Variants in ZNF91 observed in about 807,000 individuals in gnomAD.
ZNF91 encodes zinc finger protein 91 (HPF7, HTF10).
A neutral mutation model predicts 12.6 loss-of-function variants in ZNF91; 7 were observed. The observed-to-expected ratio is 0.55, with a 90% confidence interval of 0.31 to 1.04. ZNF91 has a LOEUF of 1.04. Ranked by LOEUF, ZNF91 falls within the 50% of genes least tolerant of loss-of-function variation. The pLI, the probability that ZNF91 is intolerant of heterozygous loss-of-function variation, is 0.05. For synonymous variants in ZNF91, 453 were observed against 462.6 expected (o/e 0.98, Z 0.27); for missense variants, 1,217 against 1,385.4 (o/e 0.88, Z 1.93).
intron 1 of ZNF91, chr19:23,380,283 AAAAAAAAAAAAAAAAAAAAG>A (rs1969660575): frequency 2.5e-5 from 2 of 81,396 alleles, no homozygotes; most frequent in African/African-American, 1.3e-4. Flanking sequence ...AAAAAAAAAA[AAAAAAAAAAAAAAAAAAAAG>A]AGTGAAGCTT....
At chr19:23,375,894 T>C (rs1969488193) in intron 1 of ZNF91, among the ~76,000 whole-genome samples, 2 of 152,360 alleles carry the variant, frequency 1.3e-5, no homozygotes, top group South Asian at 2.1e-4. Flanking sequence ...AGTATGCTGA[T>C]GCACCATATT....
At chr19:23,341,428 T>C (rs1451426708) in intron 3 of ZNF91, among the ~76,000 whole-genome samples, 1 of 152,200 alleles carries the variant, frequency 6.6e-6, no homozygotes, top group Non-Finnish European at 1.5e-5. Context: ...AAATGATACG[T>C]ATACTTGCAC....
rs770546038 is a variant in ZNF91 at position 23,360,581 on chromosome 19, A to C, written c.2398T>G (p.Cys800Gly). 1 of 1,613,998 alleles carries C rather than the reference A, an allele frequency of 6.2e-7. No individual in the cohort carries two copies. Among genetic ancestry groups the C allele is most frequent in the Non-Finnish European group, 8.5e-7 (1 of 1,179,974 alleles). The change falls in exon 4 of 4, where the codon TGT (cysteine) becomes GGT (glycine). Residue 800 changes from cysteine (C) to glycine (G), a missense_variant. By Grantham distance (159) the Cys-to-Gly change is radical. Around this residue, in one of 2 missense-constraint regions of ZNF91, gnomAD observed 491 missense variants for 489.8 expected, o/e 1.00. Transcript: ENST00000300619. Reference protein sequence around the residue: ...RIHTGEKPYKCEECGKAFSRS... With the variant: ...RIHTGEKPYKGEECGKAFSRS... ...CTAAAAGCTTTGCCACATTCTTCAC[A>C]TTTGTAGGGCTTCTCTCCAGTGTGT...
intron 1 of ZNF91, among the ~76,000 whole-genome samples, chr19:23,379,789 C>A (rs1222597823): frequency 6.6e-6 from 1 of 152,312 alleles, no homozygotes; most frequent in African/African-American, 2.4e-5. Flanking sequence ...TGGCTCTCTA[C>A]TCCCTGAGGA....
upstream of ZNF91, chr19:23,310,723 T>C (rs1967456972): frequency 6.6e-6 from 1 of 152,062 alleles, no homozygotes; most frequent in African/African-American, 2.4e-5. Context: ...CTCTACTCTT[T>C]CCTTGACAAT....
Position 23,359,981 on chromosome 19 carries a change from C to T in ZNF91, c.2998G>A (p.Gly1000Ser), listed in dbSNP as rs376637810. 1.2e-5 allele frequency: 20 copies of T among 1,613,656 alleles called. No homozygotes were observed. In the African/African-American group the frequency reaches 2.1e-4, roughly 17 times the overall value. The change falls in exon 4 of 4, where the codon GGC becomes AGC. Residue 1000 changes from glycine (G) to serine (S), a missense_variant. By Grantham distance (56) the Gly-to-Ser change is moderately conservative. This residue lies in a region of ZNF91 where 491 missense variants were observed against 489.8 expected (regional missense o/e 1.00). Coordinates refer to ENST00000300619, the MANE Select transcript of ZNF91 (RefSeq NM_003430.4). ...GEKPYKCEECGKAFSQSSTLT... is the reference protein window; with the variant it reads ...GEKPYKCEECSKAFSQSSTLT... ...GTTGAGGATTGGCTAAATGCTTTGC[C>T]ACATTCTTCACATTTGTAGGGTTTC...
chr19:23,319,925 G>A (rs907658909), intron 1 of ZNF91, among the ~76,000 whole-genome samples: 3 of 152,054 alleles, frequency 2.0e-5, no homozygotes, highest in Non-Finnish European at 4.4e-5. Flanking sequence ...TAAGATCCTG[G>A]GTGTCCTCTT....
chr19:23,306,695 G>GGTGAT (rs1172727627), intron 3 of ZNF91: 1 of 152,270 alleles, frequency 6.6e-6, no homozygotes, highest in Non-Finnish European at 1.5e-5. Flanking sequence ...CCACCAGAGA[G>GGTGAT]GTGATGTGAC....
At chr19:23,317,250 G>A (rs918411779) in intron 1 of ZNF91, among the ~76,000 whole-genome samples, 3 of 151,948 alleles carry the variant, frequency 2.0e-5, no homozygotes, top group Non-Finnish European at 1.5e-5. Flanking sequence ...GGGTTTCACC[G>A]TCTTAGCTAG....
chr19:23,323,531 CCTT>C (rs143043040), intron 1 of ZNF91, among the ~76,000 whole-genome samples: 3,998 of 145,704 alleles, frequency 0.027, 146 homozygotes, highest in African/African-American at 0.092. Flanking sequence ...CTCTTCTCCT[CCTT>C]TTCCTTTTTC....
At chr19:23,391,134 T>C (rs1463059556) in intron 1 of ZNF91, among the ~76,000 whole-genome samples, 1 of 152,222 alleles carries the variant, frequency 6.6e-6, no homozygotes, top group Non-Finnish European at 1.5e-5. Context: ...AATGTATAAG[T>C]ATTCCCTTTT....
chr19:23,358,788 T>C lies in ZNF91; in HGVS notation c.*615A>G. ...TGTCACATTCTTCACATTTCTAGGA[T>C]TTCTCAGCAGCATGATTTTCTTGAT... On this transcript the variant is annotated 3_prime_UTR_variant, in exon 4 of 4. Transcript: ENST00000300619. 1 of 169,298 alleles carries C rather than the reference T, an allele frequency of 5.9e-6. No homozygotes were observed. Among genetic ancestry groups the C allele is most frequent in the Non-Finnish European group, 1.3e-5 (1 of 76,926 alleles). The allele number at this position is 169,298 out of a possible 1,614,324, so 10.5% of individuals were successfully genotyped here. A position where few individuals can be genotyped will look rare whatever the true frequency, so the allele number is the denominator to read the frequency against.
At chr19:23,342,977 C>G (rs1968154473) in intron 3 of ZNF91, among the ~76,000 whole-genome samples, 1 of 152,088 alleles carries the variant, frequency 6.6e-6, no homozygotes, top group Non-Finnish European at 1.5e-5. Flanking sequence ...TTGAGAGTTA[C>G]AGAGACTGGA....
rs2145043989 is a variant in ZNF91, at chr19:23,358,380, CCTCT to C, written c.*1019_*1022del. ...GATATTATAAGTTAACCATAAAGAT[CCTCT>C]CTACTTAAATTTTCATCATGCATCT... is the stretch of plus-strand genomic sequence containing the variant. On this transcript the variant is annotated 3_prime_UTR_variant, in exon 4 of 4. Coordinates refer to ENST00000300619, the MANE Select transcript of ZNF91 (RefSeq NM_003430.4). The C allele has an allele frequency of 6.6e-6, 1 of 152,190 alleles. No individual in the cohort carries two copies. The highest frequency in any genetic ancestry group is 6.5e-5 in the Admixed American group (1 of 15,290). The allele number at this position is 152,190 out of a possible 1,614,324, so 9.4% of individuals were successfully genotyped here.
chr19:23,364,427 A>G (rs1968921826), intron 3 of ZNF91, among the ~76,000 whole-genome samples: 1 of 152,196 alleles, frequency 6.6e-6, no homozygotes, highest in Admixed American at 6.5e-5. Flanking sequence ...CCTGGGCAAC[A>G]AGAGCAAAAT....
chr19:23,356,407 T>A (rs1325621294), downstream of ZNF91, among the ~76,000 whole-genome samples: 1 of 152,156 alleles, frequency 6.6e-6, no homozygotes, highest in Non-Finnish European at 1.5e-5. Flanking sequence ...TATGTTGGAA[T>A]ACTACTCAGT....
chr19:23,363,330 G>A (rs1968885619), intron 3 of ZNF91, among the ~76,000 whole-genome samples: 2 of 152,074 alleles, frequency 1.3e-5, no homozygotes, highest in South Asian at 4.1e-4. Context: ...AAGAAACCGT[G>A]GCATAATTTG....
At chr19:23,338,177 A>G (rs925390779), downstream of ZNF91, 3 of 152,180 alleles carry the variant, frequency 2.0e-5, no homozygotes, top group Non-Finnish European at 4.4e-5. Flanking sequence ...ATATAAACAA[A>G]ATATATTGCA....
intron 1 of ZNF91, among the ~76,000 whole-genome samples, chr19:23,386,365 C>T (rs1222202358): frequency 6.6e-6 from 1 of 151,860 alleles, no homozygotes; most frequent in Non-Finnish European, 1.5e-5. Context: ...TAAACATAAG[C>T]AAAACAACAA....
Sources: gnomAD v4.1 joint callset for allele counts (sites outside exome capture counted in the v4.1 genomes callset) on GRCh38, gnomAD v4.1.1 for gene constraint, gnomAD v4.1.1 regional missense constraint, MANE v1.5 for transcripts, NCBI Gene and HGNC (gene_info 2026-07-23, HGNC 2026-07-21) for gene names.